The following EFHC1 variants were observed in gnomAD, a reference collection of about 807,000 sequenced individuals.
EFHC1 encodes EF-hand domain-containing protein 1.
A neutral mutation model predicts 69.9 loss-of-function variants in EFHC1; 53 were observed. That is an observed-to-expected ratio of 0.76 (90% CI 0.61 to 0.95). The LOEUF (loss-of-function observed/expected upper bound fraction) is 0.95, where lower values mean the gene tolerates loss of function less well. Ranked by LOEUF, EFHC1 falls within the 40% of genes least tolerant of loss-of-function variation. The pLI is 0.00. For synonymous variants in EFHC1, 256 were observed against 278.4 expected (o/e 0.92, Z 0.80); for missense variants, 739 against 798.7 (o/e 0.93, Z 0.90).
chr6:52,422,853 G>T (rs1764220115), intron 1 of EFHC1, among the ~76,000 whole-genome samples: 2 of 152,164 alleles, frequency 1.3e-5, no homozygotes, highest in Non-Finnish European at 2.9e-5. Flanking sequence ...GCTTATAATT[G>T]CAGTACACAT....
At chr6:52,441,084 A>T (rs603397) in intron 3 of EFHC1, among the ~76,000 whole-genome samples, 129,148 of 152,156 alleles carry the variant, frequency 0.85, 55,365 homozygotes, top group African/African-American at 0.96. Flanking sequence ...TTCTTTAGAT[A>T]GTCTTTTTAC....
rs764160781 is a variant in EFHC1 at position 52,493,383 on chromosome 6, T to TATATATATATATATATA, written c.*1044_*1045insATATATATATATATAAT. ...CTCTCTACATATATATATATATATATATTTTATATGTACACATTCATACAC... is the reference window on the plus strand; with the variant it reads ...CTCTCTACATATATATATATATATATATATATATATATATATAATTTTATATGTACACATTCATACAC... On this transcript the variant is annotated 3_prime_UTR_variant, in exon 11 of 11. Coordinates refer to ENST00000371068, the MANE Select transcript of EFHC1 (RefSeq NM_018100.4). 2 of 223,954 alleles carry TATATATATATATATATA rather than the reference T, an allele frequency of 8.9e-6. No homozygotes were observed. The highest frequency in any genetic ancestry group is 1.8e-5 in the Non-Finnish European group (2 of 113,228). 13.9% of individuals were successfully genotyped at this position (223,954 alleles called of 1,614,324 possible). A position where few individuals can be genotyped will look rare whatever the true frequency, so the allele number is the denominator to read the frequency against.
chr6:52,471,599 C>T (rs1765436629), intron 7 of EFHC1, among the ~76,000 whole-genome samples: 1 of 152,130 alleles, frequency 6.6e-6, no homozygotes, highest in South Asian at 2.1e-4. Flanking sequence ...GGAGCAGTGG[C>T]TCACACCTGT....
In EFHC1 at chr6:52,492,440, T is replaced by A. The variant is rs151292895; in HGVS notation, c.*99T>A. 2.1e-4 allele frequency: 265 copies of A among 1,250,466 alleles called. 1 individual carries two copies. In the African/African-American group the frequency reaches 3.5e-3, roughly 17 times the overall value. 77.5% of individuals were successfully genotyped at this position (1,250,466 alleles called of 1,614,324 possible). A position where few individuals can be genotyped will look rare whatever the true frequency, so the allele number is the denominator to read the frequency against. On this transcript the variant is annotated 3_prime_UTR_variant, in exon 11 of 11. Coordinates refer to ENST00000371068, the MANE Select transcript of EFHC1 (RefSeq NM_018100.4). ...AGAGGCATTTACAGGGTTCCTGAAG[T>A]TTTATTTCTGTTTTGGTTCTTCTTT... is the stretch of plus-strand genomic sequence containing the variant.
At chr6:52,437,727 T>G (rs1414392657) in intron 2 of EFHC1, 1 of 153,736 alleles carries the variant, frequency 6.5e-6, no homozygotes, top group African/African-American at 2.4e-5. Context: ...CTTTCTCTTC[T>G]TCTCTTCTAA....
At chr6:52,487,011 AT>A (rs556070077) in intron 9 of EFHC1, 2,252 of 145,772 alleles carry the variant, frequency 0.015, 27 homozygotes, top group South Asian at 0.076. Flanking sequence ...AGGGTTGGCA[AT>A]TTTTTTTTTT....
intron 2 of EFHC1, among the ~76,000 whole-genome samples, chr6:52,433,444 C>G (rs1436856282): frequency 6.6e-6 from 1 of 152,192 alleles, no homozygotes; most frequent in Non-Finnish European, 1.5e-5. Flanking sequence ...ATTGTTATCT[C>G]TCTTCTGGAT....
At chr6:52,432,003 C>G (rs1212014732) in intron 2 of EFHC1, among the ~76,000 whole-genome samples, 2 of 152,000 alleles carry the variant, frequency 1.3e-5, no homozygotes, top group Non-Finnish European at 2.9e-5. Context: ...TTGTCTGATA[C>G]AAGAATAGCC....
rs553855776 is a variant in EFHC1, at chr6:52,444,030, A to C, written c.573+5439A>C. 2.0e-3 allele frequency among the ~76,000 whole-genome samples: 304 copies of C among 152,124 alleles called. 1 individual carries two copies. The highest frequency in any genetic ancestry group is 3.4e-3 in the Middle Eastern group (1 of 294). On this transcript the variant is annotated intron_variant, in intron 3 of 10. Coordinates refer to ENST00000371068, the MANE Select transcript of EFHC1 (RefSeq NM_018100.4). ...TCCCTTGTAAGTTGGATTCCTAGGC[A>C]TTTTATTCTCTTTGAAGCAATTGTG...
chr6:52,460,818 G>A (rs559886938), intron 5 of EFHC1, among the ~76,000 whole-genome samples: 2 of 152,160 alleles, frequency 1.3e-5, no homozygotes, highest in Non-Finnish European at 2.9e-5. Context: ...TTTACTAACA[G>A]CAGACCTTTA....
At chr6:52,472,781 C>A (rs1378310324) in intron 7 of EFHC1, among the ~76,000 whole-genome samples, 1 of 151,560 alleles carries the variant, frequency 6.6e-6, no homozygotes, top group Non-Finnish European at 1.5e-5. Context: ...TGTTACATAT[C>A]TTTTAGGTGT....
At chr6:52,487,542 C>T (rs1023649365) in intron 9 of EFHC1, 3 of 152,174 alleles carry the variant, frequency 2.0e-5, no homozygotes, top group Non-Finnish European at 4.4e-5. Flanking sequence ...CTTTGTACAA[C>T]TAAAAATGAA....
rs377732929 is a variant in EFHC1 at position 52,465,036 on chromosome 6, G to A, written c.1058G>A (p.Arg353Gln). ...TATGATTGTGATCCATTTACTCGAC[G>A]GTATTACAAAGAGAAGTTTGGAATC... ...FIYDCDPFTR[R>Q]YYKEKFGITD... is the part of the protein sequence containing the mutation. The change falls in exon 6 of 11, where the codon CGG (arginine) becomes CAG (glutamine). Residue 353 changes from arginine (R) to glutamine (Q), a missense_variant. Coordinates refer to ENST00000371068, the MANE Select transcript of EFHC1 (RefSeq NM_018100.4). 85 of 1,614,022 alleles carry A rather than the reference G, an allele frequency of 5.3e-5. 1 individual carries two copies. The East Asian group carries it at 1.2e-3, about 24-fold the overall frequency.
rs142369730 is a variant in EFHC1, at chr6:52,455,032, C to T, written c.916+745C>T. Among the ~76,000 whole-genome samples the T allele has an allele frequency of 1.0e-3, 157 of 151,936 alleles. 1 individual carries two copies. Among genetic ancestry groups the T allele is most frequent in the African/African-American group, 3.4e-3 (139 of 41,422 alleles). The stretch of plus-strand genomic sequence containing the variant: ...ATCTGAGCCTGGGAGGTCGAGGCTG[C>T]GGTGAGCTGTGATTGTGGTGCTGCA... On this transcript the variant is annotated intron_variant, in intron 5 of 10. Coordinates refer to ENST00000371068, the MANE Select transcript of EFHC1 (RefSeq NM_018100.4).
intron 5 of EFHC1, among the ~76,000 whole-genome samples, chr6:52,463,825 G>A (rs1221001189): frequency 6.6e-6 from 1 of 152,182 alleles, no homozygotes; most frequent in East Asian, 1.9e-4. Flanking sequence ...AGGTAGTAGG[G>A]TTGAGAATAG....
At chr6:52,449,665 G>A (rs562212688) in intron 3 of EFHC1, among the ~76,000 whole-genome samples, 10 of 152,238 alleles carry the variant, frequency 6.6e-5, no homozygotes, top group African/African-American at 2.2e-4. Flanking sequence ...GGGGTCAGTG[G>A]TAACATCCCC....
intron 2 of EFHC1, among the ~76,000 whole-genome samples, chr6:52,431,252 G>GGGTTTC (rs1764406137): frequency 1.3e-5 from 2 of 151,744 alleles, no homozygotes; most frequent in Admixed American, 6.6e-5. Context: ...GTTTGGGTTT[G>GGGTTTC]GTTTGTTCTT....
At chr6:52,442,106 T>G (rs558832515) in intron 3 of EFHC1, among the ~76,000 whole-genome samples, 1 of 152,268 alleles carries the variant, frequency 6.6e-6, no homozygotes, top group South Asian at 2.1e-4. Context: ...TTCTCTTGAC[T>G]GATTGTTCTG....
intron 3 of EFHC1, among the ~76,000 whole-genome samples, chr6:52,443,529 A>G (rs1300841713): frequency 2.6e-5 from 4 of 151,904 alleles, no homozygotes; most frequent in Admixed American, 6.6e-5. Context: ...TCCCAGCACC[A>G]TTTATTAAAT....
Sources: gnomAD v4.1 joint callset for allele counts (sites outside exome capture counted in the v4.1 genomes callset) on GRCh38, gnomAD v4.1.1 for gene constraint, MANE v1.5 for transcripts, NCBI Gene and HGNC (gene_info 2026-07-23, HGNC 2026-07-21) for gene names.